Variants in MMP16 observed in about 807,000 individuals in gnomAD.
MMP16 encodes matrix metallopeptidase 16.
In MMP16, 12 loss-of-function variants were observed where a neutral mutation model predicts 67.8. That is an observed-to-expected ratio of 0.18 (90% confidence interval 0.11 to 0.29). MMP16 has a LOEUF of 0.29. Ranked by LOEUF, MMP16 falls within the 10% of genes least tolerant of loss-of-function variation. The probability of loss-of-function intolerance (pLI) is 1.00; values close to 1 mark genes in which losing one functional copy is unlikely to be tolerated. For missense variants in MMP16, 475 were observed against 765.7 expected, an observed-to-expected ratio of 0.62 and a Z score of 4.48; for synonymous variants, 249 against 255.9, an observed-to-expected ratio of 0.97 and a Z score of 0.26.
chr8:88,074,764 T>C (rs1362555741), intron 6 of MMP16, 21 bp from the exon 7 acceptor site: 12 of 1,608,664 alleles, frequency 7.5e-6, no homozygotes, highest in South Asian at 1.1e-5. Flanking sequence ...AGCAAAGGCA[T>C]CTCTCAACAA....
chr8:88,108,027 G>T (rs1354995894), intron 6 of MMP16, among the ~76,000 whole-genome samples: 2 of 150,872 alleles, frequency 1.3e-5, no homozygotes, highest in African/African-American at 4.8e-5. Flanking sequence ...CAATATATGT[G>T]GGTGGAATAT....
chr8:88,133,573 TGAGTAATTCA>T (rs1279604112), intron 4 of MMP16, among the ~76,000 whole-genome samples: 4 of 151,866 alleles, frequency 2.6e-5, no homozygotes, highest in African/African-American at 9.7e-5. Context: ...CATGCTATAA[TGAGTAATTCA>T]GTCATCCTTC....
intron 3 of MMP16, among the ~76,000 whole-genome samples, chr8:88,178,018 A>T (rs1186419964): frequency 6.6e-6 from 1 of 152,106 alleles, no homozygotes; most frequent in Non-Finnish European, 1.5e-5. Context: ...AAAGAAAAAA[A>T]AAAGAACTCT....
chr8:88,326,847 T>G (rs925057680), intron 1 of MMP16: 2 of 470,212 alleles, frequency 4.3e-6, no homozygotes, highest in African/African-American at 3.9e-5. Context: ...ATTGTGTCTT[T>G]GAGCGCGCAG....
chr8:88,084,486 CT>C (rs1808801349), intron 6 of MMP16, among the ~76,000 whole-genome samples: 1 of 151,582 alleles, frequency 6.6e-6, no homozygotes, highest in Admixed American at 6.6e-5. Context: ...AGAAAAGAGG[CT>C]GGAAAAAAAA....
chr8:88,166,688 C>CATATATATATATATATATACATAT (rs1808716946), intron 4 of MMP16, among the ~76,000 whole-genome samples: 1 of 58,392 alleles, frequency 1.7e-5, no homozygotes, highest in Non-Finnish European at 3.5e-5. Flanking sequence ...CAAAAAATTA[C>CATATATATATATATATATACATAT]ATATATATAT....
chr8:88,052,184 T>G (rs1808279447), intron 8 of MMP16, among the ~76,000 whole-genome samples: 1 of 152,174 alleles, frequency 6.6e-6, no homozygotes, highest in Non-Finnish European at 1.5e-5. Context: ...ACTTGACTTC[T>G]TCACTTGGTG....
intron 7 of MMP16, among the ~76,000 whole-genome samples, chr8:88,066,343 T>A (rs1294859464): frequency 6.6e-6 from 1 of 152,046 alleles, no homozygotes; most frequent in African/African-American, 2.4e-5. Flanking sequence ...ACCTGAGTGA[T>A]GGAAAGATAG....
intron 8 of MMP16, among the ~76,000 whole-genome samples, chr8:88,053,268 G>A (rs1808292027): frequency 6.6e-6 from 1 of 152,130 alleles, no homozygotes; most frequent in Non-Finnish European, 1.5e-5. Flanking sequence ...AACATGTAGG[G>A]CTGACATATG....
chr8:88,306,030 AGAC>A (rs1305071753), intron 1 of MMP16, among the ~76,000 whole-genome samples: 2 of 151,816 alleles, frequency 1.3e-5, no homozygotes, highest in African/African-American at 4.8e-5. Context: ...TTAATAAAAT[AGAC>A]TACTAGGTAG....
chr8:88,066,795 G>C (rs2616493), intron 7 of MMP16, among the ~76,000 whole-genome samples: 6 of 151,956 alleles, frequency 3.9e-5, no homozygotes, highest in Non-Finnish European at 7.4e-5. Context: ...TACTTGTACC[G>C]ATAATCATTT....
At chr8:88,122,502 C>G (rs1357896082) in intron 4 of MMP16, among the ~76,000 whole-genome samples, 1 of 151,804 alleles carries the variant, frequency 6.6e-6, no homozygotes, top group Non-Finnish European at 1.5e-5. Context: ...AAAAGACTGA[C>G]AGAATAAATT....
chr8:88,271,961 A>C (rs985475035), intron 1 of MMP16, among the ~76,000 whole-genome samples: 10 of 152,348 alleles, frequency 6.6e-5, no homozygotes, highest in Admixed American at 3.9e-4. Context: ...GCAATTTACC[A>C]GCTAAGAGAT....
At chr8:88,155,247 A>G (rs1808489238) in intron 4 of MMP16, among the ~76,000 whole-genome samples, 1 of 152,082 alleles carries the variant, frequency 6.6e-6, no homozygotes, top group Non-Finnish European at 1.5e-5. Flanking sequence ...TACAGATACA[A>G]TTTAATAATG....
intron 1 of MMP16, among the ~76,000 whole-genome samples, chr8:88,280,575 ATTT>A (rs1362620302): frequency 6.6e-6 from 1 of 152,164 alleles, no homozygotes; most frequent in African/African-American, 2.4e-5. Flanking sequence ...AATAGAAATT[ATTT>A]TTATTTTGTT....
intron 1 of MMP16, among the ~76,000 whole-genome samples, chr8:88,231,871 T>G (rs1299865447): frequency 6.6e-6 from 1 of 152,200 alleles, no homozygotes; most frequent in Non-Finnish European, 1.5e-5. Context: ...AACAAATATA[T>G]GTATTTTTAT....
chr8:88,070,131 G>T (rs1436792369), intron 7 of MMP16, among the ~76,000 whole-genome samples: 2 of 151,934 alleles, frequency 1.3e-5, no homozygotes, highest in Non-Finnish European at 2.9e-5. Context: ...TTGTTACAGT[G>T]TTGAACAGAC....
chr8:88,166,688 C>CATACATATATATAT (rs1289559459), intron 4 of MMP16, among the ~76,000 whole-genome samples: 1 of 58,392 alleles, frequency 1.7e-5, no homozygotes, highest in Non-Finnish European at 3.5e-5. Flanking sequence ...CAAAAAATTA[C>CATACATATATATAT]ATATATATAT....
chr8:88,203,492 T>A (rs1809376559), intron 1 of MMP16, among the ~76,000 whole-genome samples: 1 of 152,108 alleles, frequency 6.6e-6, no homozygotes, highest in African/African-American at 2.4e-5. Context: ...GAAATAAACT[T>A]GACTTTTACT....
Sources: allele counts gnomAD v4.1 joint callset (sites outside exome capture counted in the v4.1 genomes callset), GRCh38; gene constraint gnomAD v4.1.1; transcripts MANE v1.5; gene names NCBI Gene and HGNC (gene_info 2026-07-23, HGNC 2026-07-21).